Variants in METAP1D observed in about 807,000 individuals in gnomAD.
METAP1D encodes the protein methionyl aminopeptidase type 1D, mitochondrial, also known as methionine aminopeptidase 1D, mitochondrial.
In METAP1D, 31 loss-of-function variants were observed where a neutral mutation model predicts 40.5. That is an observed-to-expected ratio of 0.77 (90% CI 0.58 to 1.03). The LOEUF (loss-of-function observed/expected upper bound fraction) is 1.03, where lower values mean the gene tolerates loss of function less well. METAP1D is among the 50% of genes least tolerant of loss of function. METAP1D has a pLI of 0.00. For synonymous variants in METAP1D, 151 were observed against 146.4 expected (o/e 1.03, Z -0.22); for missense variants, 411 against 420.7 (o/e 0.98, Z 0.20).
At chr2:172,059,066 C>CG in intron 1 of METAP1D, among the ~76,000 whole-genome samples, 1 of 151,914 alleles carries the variant, frequency 6.6e-6, no homozygotes, top group Non-Finnish European at 1.5e-5. Flanking sequence ...TAGGTCGATA[C>CG]GGGGCCCAAG....
Position 172,061,340 on chromosome 2 carries a change from T to C in METAP1D, c.41-158T>C, listed in dbSNP as rs142080364. The stretch of plus-strand genomic sequence containing the variant: ...ACGCTGTGTTACTATTGTACTAGAA[T>C]TCAGAATACCACTGTTTTCATTTCT... On this transcript the variant is annotated intron_variant, in intron 1 of 9. Coordinates refer to ENST00000315796, the MANE Select transcript of METAP1D (RefSeq NM_199227.3). Among the ~76,000 whole-genome samples the C allele has an allele frequency of 7.3e-3, 1,116 of 152,332 alleles. 16 individuals carry two copies. Among genetic ancestry groups the C allele is most frequent in the African/African-American group, 0.023 (959 of 41,578 alleles).
Position 172,080,639 on chromosome 2 carries a change from T to G in METAP1D, c.*233T>G. The G allele has an allele frequency of 1.7e-6, 1 of 599,878 alleles. No individual in the cohort carries two copies. Among genetic ancestry groups the G allele is most frequent in the Non-Finnish European group, 3.0e-6 (1 of 338,770 alleles). 37.2% of individuals were successfully genotyped at this position (599,878 alleles called of 1,614,324 possible). A position where few individuals can be genotyped will look rare whatever the true frequency, so the allele number is the denominator to read the frequency against. ...AACAAATCCTGGCCCTGGACTCGGT[T>G]TCCCAGCGCGGTCAACGCATCTGGA... On this transcript the variant is annotated 3_prime_UTR_variant, in exon 10 of 10. Coordinates refer to ENST00000315796, the MANE Select transcript of METAP1D (RefSeq NM_199227.3).
intron 1 of METAP1D, among the ~76,000 whole-genome samples, chr2:172,027,415 A>G (rs1417841469): frequency 6.6e-6 from 1 of 152,240 alleles, no homozygotes; most frequent in Non-Finnish European, 1.5e-5. Context: ...CAGTACACTG[A>G]CATGCTATAC....
intron 1 of METAP1D, among the ~76,000 whole-genome samples, chr2:172,043,850 T>G (rs1689674277): frequency 7.4e-6 from 1 of 135,274 alleles, no homozygotes; most frequent in African/African-American, 2.5e-5. Context: ...ATTCCAGCAC[T>G]GTGGGAGACC....
At chr2:172,062,459 T>C (rs1427156188) in intron 2 of METAP1D, among the ~76,000 whole-genome samples, 1 of 152,208 alleles carries the variant, frequency 6.6e-6, no homozygotes, top group Non-Finnish European at 1.5e-5. Flanking sequence ...AAACTGACAC[T>C]TTTTTCCTTA....
chr2:172,030,825 CTT>C (rs566919832), intron 1 of METAP1D, among the ~76,000 whole-genome samples: 243 of 152,250 alleles, frequency 1.6e-3, no homozygotes, highest in African/African-American at 5.7e-3. Flanking sequence ...TAAAGAATGT[CTT>C]AATTCTACAG....
chr2:172,079,043 GT>G (rs965999914), intron 7 of METAP1D, among the ~76,000 whole-genome samples, 171 bp from the exon 8 acceptor site: 1 of 152,104 alleles, frequency 6.6e-6, no homozygotes, highest in African/African-American at 2.4e-5. Flanking sequence ...CAGTAGCCCC[GT>G]GTTTAACTCC....
intron 1 of METAP1D, among the ~76,000 whole-genome samples, chr2:172,020,061 T>C (rs1688969772): frequency 6.6e-6 from 1 of 152,184 alleles, no homozygotes; most frequent in South Asian, 2.1e-4. Flanking sequence ...GGCGCAATCT[T>C]GGCTTGTCGC....
chr2:172,005,541 TA>T (rs1688559183), intron 1 of METAP1D, among the ~76,000 whole-genome samples: 1 of 116,960 alleles, frequency 8.5e-6, no homozygotes, highest in African/African-American at 2.7e-5. Flanking sequence ...TATATATATA[TA>T]TATCTTTTTT....
chr2:172,071,240 A>G (rs1193157522), intron 6 of METAP1D, among the ~76,000 whole-genome samples, 170 bp downstream of exon 6: 1 of 152,188 alleles, frequency 6.6e-6, no homozygotes, highest in Non-Finnish European at 1.5e-5. Context: ...GAAAAAAAAA[A>G]AAGATTTTAT....
At chr2:172,045,731 GTA>G (rs201826659) in intron 1 of METAP1D, among the ~76,000 whole-genome samples, 1,397 of 54,836 alleles carry the variant, frequency 0.025, 48 homozygotes, top group African/African-American at 0.07. Context: ...GTGTGTGTGT[GTA>G]TATATATGTG....
chr2:172,031,232 G>A (rs933256530), intron 1 of METAP1D, among the ~76,000 whole-genome samples: 3 of 152,168 alleles, frequency 2.0e-5, no homozygotes, highest in Non-Finnish European at 4.4e-5. Context: ...TAAAGGCTTA[G>A]TTTAATAGGA....
At chr2:172,002,024 G>A (rs1688477071) in intron 1 of METAP1D, among the ~76,000 whole-genome samples, 2 of 145,696 alleles carry the variant, frequency 1.4e-5, no homozygotes, top group Non-Finnish European at 3.0e-5. Context: ...CTGAACCCAG[G>A]AGGCGGAGGT....
In METAP1D at chr2:172,029,465, G is replaced by T. The variant is rs183037335; in HGVS notation, c.40+29456G>T. ...TTATTTGCTTTTAAAATATACTTTT[G>T]TGAAAAGATATACCTAAAATCCCCA... On this transcript the variant is annotated intron_variant, in intron 1 of 9. Transcript: ENST00000315796. Among the ~76,000 whole-genome samples the T allele has an allele frequency of 5.9e-5, 9 of 152,254 alleles. No homozygotes were observed. In the East Asian group the frequency reaches 1.7e-3, roughly 29 times the overall value.
intron 6 of METAP1D, 90 bp downstream of exon 6, chr2:172,071,160 G>T: frequency 8.6e-7 from 1 of 1,167,746 alleles, no homozygotes. Context: ...CATGTTTTAT[G>T]ATTCAGAACC....
intron 4 of METAP1D, among the ~76,000 whole-genome samples, chr2:172,066,037 A>C (rs773414385): frequency 3.3e-5 from 5 of 152,194 alleles, no homozygotes; most frequent in Admixed American, 6.5e-5. Flanking sequence ...CAAATGTGGC[A>C]AATTTTTCTT....
chr2:172,059,635 A>T (rs1690087397), intron 1 of METAP1D, among the ~76,000 whole-genome samples: 1 of 152,248 alleles, frequency 6.6e-6, no homozygotes, highest in Admixed American at 6.5e-5. Flanking sequence ...TCAACCATTT[A>T]TAAATGTAAA....
At chr2:172,031,117 T>G (rs956241464) in intron 1 of METAP1D, among the ~76,000 whole-genome samples, 2 of 152,198 alleles carry the variant, frequency 1.3e-5, no homozygotes, top group East Asian at 3.8e-4. Flanking sequence ...TTTGAAATAA[T>G]TGGAAAGGTC....
chr2:172,072,299 T>C (rs1690440172), intron 6 of METAP1D: 1 of 167,102 alleles, frequency 6.0e-6, no homozygotes. Context: ...CACCTAGGGT[T>C]CAACAAATTT....
Sources: allele counts gnomAD v4.1 joint callset (sites outside exome capture counted in the v4.1 genomes callset), GRCh38; gene constraint gnomAD v4.1.1; transcripts MANE v1.5; gene names NCBI Gene and HGNC (gene_info 2026-07-23, HGNC 2026-07-21).